DMD: variants seen among roughly 807,000 people sequenced by gnomAD.
The protein encoded by DMD is mutant dystrophin.
DMD carries 63 observed loss-of-function variants against 330.1 expected under a neutral mutation model. That is an observed-to-expected ratio of 0.19 (90% CI 0.16 to 0.24). The LOEUF (loss-of-function observed/expected upper bound fraction) is 0.24. Among genes scored for constraint, DMD ranks in the 10% least tolerant of loss-of-function variants. The pLI, the probability that DMD is intolerant of heterozygous loss-of-function variation, is 1.00. For missense variants in DMD, 3,344 were observed against 2,684.1 expected (o/e 1.25, Z -5.43); for synonymous variants, 1,223 against 959.8 (o/e 1.27, Z -5.07).
At chrX:32,701,939 C>A (rs1418596640) in intron 7 of DMD, among the ~76,000 whole-genome samples, 2 of 111,457 alleles carry the variant, frequency 1.8e-5, no homozygotes, top group Non-Finnish European at 3.8e-5. Context: ...CAAACTATTG[C>A]CATTTTGCCC....
intron 2 of DMD, among the ~76,000 whole-genome samples, chrX:32,959,332 T>A (rs2091774753): frequency 9.0e-6 from 1 of 111,512 alleles, no homozygotes; most frequent in African/African-American, 3.3e-5. Context: ...AGCTACATTC[T>A]GATGACCCTA....
At chrX:33,016,175 A>C (rs921557061) in intron 2 of DMD, among the ~76,000 whole-genome samples, 1 of 110,866 alleles carries the variant, frequency 9.0e-6, no homozygotes, top group African/African-American at 3.3e-5. Flanking sequence ...CATCTGAAGG[A>C]ACTCCCCCAA....
At chrX:32,375,312 A>G in intron 34 of DMD, among the ~76,000 whole-genome samples, 1 of 112,424 alleles carries the variant, frequency 8.9e-6, no homozygotes, top group South Asian at 3.7e-4. Context: ...TTAATCTGCT[A>G]GGTTCCTGTC....
chrX:31,287,709 G>T (rs754430532), intron 62 of DMD, among the ~76,000 whole-genome samples: 4 of 112,361 alleles, frequency 3.6e-5, no homozygotes, highest in Admixed American at 9.4e-5. Flanking sequence ...ATTGAAAGCT[G>T]ATATCAGAAT....
intron 29 of DMD, among the ~76,000 whole-genome samples, chrX:32,431,153 T>C (rs2098236743): frequency 9.0e-6 from 1 of 110,949 alleles, no homozygotes; most frequent in Non-Finnish European, 1.9e-5. Context: ...CTGTTTTCCA[T>C]AGTGTCAGCA....
chrX:32,410,315 T>A (rs1440729085), intron 30 of DMD, among the ~76,000 whole-genome samples: 1 of 111,656 alleles, frequency 9.0e-6, no homozygotes, highest in Non-Finnish European at 1.9e-5. Context: ...ATTGCAATTG[T>A]ATGCACTCCA....
intron 9 of DMD, among the ~76,000 whole-genome samples, chrX:32,679,902 CTTTTTTTTTTT>C (rs766270656): frequency 2.5e-3 from 60 of 23,597 alleles, no homozygotes; most frequent in African/African-American, 9.1e-3. Flanking sequence ...AATATTTGTA[CTTTTTTTTTTT>C]TTTTTTTTTT....
At chrX:31,223,185 G>T (rs183784138) in intron 63 of DMD, 64 bp from the exon 64 acceptor site, 1 of 996,409 alleles carries the variant, frequency 1.0e-6, no homozygotes, top group African/African-American at 1.9e-5. Flanking sequence ...ACCCACCCCC[G>T]ACGCCCAGTG....
chrX:33,119,257 C>T (rs1018256582), intron 1 of DMD, among the ~76,000 whole-genome samples: 1 of 112,159 alleles, frequency 8.9e-6, no homozygotes, highest in African/African-American at 3.2e-5. Flanking sequence ...TATATACACA[C>T]ACACACATAT....
intron 7 of DMD, among the ~76,000 whole-genome samples, chrX:32,804,030 ATCTG>A (rs1224323710): frequency 3.4e-4 from 38 of 111,449 alleles, no homozygotes; most frequent in African/African-American, 1.1e-3. Flanking sequence ...TGTCTCGTTG[ATCTG>A]TCTAATATTG....
intron 55 of DMD, among the ~76,000 whole-genome samples, chrX:31,557,267 T>C (rs975958955): frequency 9.0e-6 from 1 of 111,557 alleles, no homozygotes; most frequent in Non-Finnish European, 1.9e-5. Context: ...GATGTGATCC[T>C]ATAAAAGGCA....
chrX:33,243,921 T>C (rs1436770452), intron 1 of DMD, among the ~76,000 whole-genome samples: 1 of 111,871 alleles, frequency 8.9e-6, no homozygotes, highest in Non-Finnish European at 1.9e-5. Context: ...GATGAGAAAT[T>C]ACTTAATGTG....
Position 32,205,604 on chromosome X carries a change from A to G in DMD, c.6438+11312T>C, listed in dbSNP as rs971512543. Reference sequence around the variant, plus strand: ...GTTTAAATGTCCATCAATTTCAGCAAACCTTGGATTATATGTGAATAGGTT... The same window carrying G: ...GTTTAAATGTCCATCAATTTCAGCAGACCTTGGATTATATGTGAATAGGTT... On this transcript the variant is annotated intron_variant, in intron 44 of 78. Coordinates refer to ENST00000357033, the MANE Select transcript of DMD (RefSeq NM_004006.3). Among the ~76,000 whole-genome samples, 7 of 111,858 alleles carry G rather than the reference A, an allele frequency of 6.3e-5. No individual in the cohort carries two copies. In the South Asian group the frequency reaches 1.1e-3, roughly 18 times the overall value.
chrX:31,341,096 C>T (rs1188095122), intron 61 of DMD, among the ~76,000 whole-genome samples: 1 of 111,945 alleles, frequency 8.9e-6, no homozygotes, highest in South Asian at 3.7e-4. Context: ...ACTAGTTTGA[C>T]TCTAACAGGC....
chrX:31,178,007 C>A (rs374033836), intron 70 of DMD, 37 bp from the exon 71 acceptor site: 4 of 1,175,768 alleles, frequency 3.4e-6, no homozygotes, highest in East Asian at 3.0e-5. Context: ...AGGAGACACA[C>A]GCAAACTCAG....
chrX:33,108,452 A>C (rs1273274702), intron 1 of DMD, among the ~76,000 whole-genome samples: 1 of 64,666 alleles, frequency 1.5e-5, no homozygotes, highest in Non-Finnish European at 2.8e-5. Context: ...TTTTTAGTAC[A>C]GACGGGGTTT....
intron 43 of DMD, among the ~76,000 whole-genome samples, chrX:32,277,506 T>C (rs1021102594): frequency 1.8e-5 from 2 of 111,617 alleles, no homozygotes; most frequent in Non-Finnish European, 3.8e-5. Flanking sequence ...ATTCAATGAG[T>C]GTAGAATACA....
chrX:33,211,173 C>T, intron 1 of DMD, 109 bp downstream of exon 1: 1 of 948,446 alleles, frequency 1.1e-6, no homozygotes, highest in East Asian at 3.4e-5. Flanking sequence ...ATTTATGCTT[C>T]TTTGCAAACT....
intron 52 of DMD, among the ~76,000 whole-genome samples, chrX:31,714,877 C>T (rs1052840618): frequency 2.3e-4 from 26 of 111,297 alleles, no homozygotes; most frequent in African/African-American, 8.5e-4. Context: ...CTGGTTAAGT[C>T]CTAAAATTTG....
Sources: allele counts gnomAD v4.1 joint callset (sites outside exome capture counted in the v4.1 genomes callset), GRCh38; gene constraint gnomAD v4.1.1; transcripts MANE v1.5; gene names NCBI Gene and HGNC (gene_info 2026-07-23, HGNC 2026-07-21).